Variants in SMOC2 observed in about 807,000 individuals in gnomAD.
The protein encoded by SMOC2 is SPARC-related modular calcium-binding protein 2.
A neutral mutation model predicts 61.4 loss-of-function variants in SMOC2; 39 were observed. The observed-to-expected ratio is 0.64, with a 90% CI of 0.49 to 0.83. The LOEUF (loss-of-function observed/expected upper bound fraction) is 0.83, where lower values mean the gene tolerates loss of function less well. Ranked by LOEUF, SMOC2 falls within the 40% of genes least tolerant of loss-of-function variation. The probability of loss-of-function intolerance (pLI) is 0.00; values close to 1 mark genes in which losing one functional copy is unlikely to be tolerated. For missense variants in SMOC2, 556 were observed against 592.9 expected (o/e 0.94, Z 0.65); for synonymous variants, 247 against 239.9 (o/e 1.03, Z -0.27).
In SMOC2 at chr6:168,452,794, T is replaced by C. The variant is rs1038751566; in HGVS notation, c.84+11340T>C. ...ATTCCAAACATATCTGTAGGTTGTC[T>C]GGCCAACTTTATTCTAGAAGGCAGC... On this transcript the variant is annotated intron_variant, in intron 1 of 12. Transcript: ENST00000356284. The surrounding 1 kb of genome is among the most constrained non-coding windows in gnomAD (Gnocchi z 5.0). 1.1e-4 allele frequency among the ~76,000 whole-genome samples: 16 copies of C among 152,264 alleles called. No individual in the cohort carries two copies. Among genetic ancestry groups the C allele is most frequent in the African/African-American group, 3.9e-4 (16 of 41,476 alleles).
chr6:168,659,050 C>T (rs1270202815), intron 11 of SMOC2, among the ~76,000 whole-genome samples: 3 of 85,016 alleles, frequency 3.5e-5, no homozygotes, highest in Admixed American at 1.2e-4. Context: ...GTGTGTGTGG[C>T]GTGTGGGGTG....
chr6:168,620,658 C>T (rs775156288), intron 9 of SMOC2, among the ~76,000 whole-genome samples: 5 of 152,106 alleles, frequency 3.3e-5, no homozygotes, highest in African/African-American at 4.8e-5. Flanking sequence ...GTCAGGGAAC[C>T]GCAGACAGCA....
intron 11 of SMOC2, among the ~76,000 whole-genome samples, chr6:168,661,521 G>A (rs1787508574): frequency 6.6e-6 from 1 of 152,250 alleles, no homozygotes; most frequent in Admixed American, 6.5e-5. Context: ...AAAATTGCTT[G>A]AACCAGGGAG....
chr6:168,539,026 C>T (rs943143868), intron 4 of SMOC2, among the ~76,000 whole-genome samples: 6 of 152,048 alleles, frequency 3.9e-5, no homozygotes, highest in Admixed American at 1.3e-4. Context: ...GGGACTGAGT[C>T]GCTTCCTCCC....
intron 4 of SMOC2, among the ~76,000 whole-genome samples, chr6:168,540,608 C>T (rs1783855627): frequency 6.7e-6 from 1 of 149,648 alleles, no homozygotes; most frequent in Non-Finnish European, 1.5e-5. Flanking sequence ...CTGTCTTCTC[C>T]CTGCAGCGCC....
chr6:168,644,707 T>C lies in SMOC2; in HGVS notation c.908-5974T>C, dbSNP rs1281840428. Among the ~76,000 whole-genome samples, 6 of 143,146 alleles carry C rather than the reference T, an allele frequency of 4.2e-5. No individual in the cohort carries two copies. In the South Asian group the frequency reaches 1.4e-3, roughly 32 times the overall value. The allele number at this position is 143,146 out of a possible 152,430, so 93.9% of individuals were successfully genotyped here. On this transcript the variant is annotated intron_variant, in intron 9 of 12. Coordinates refer to ENST00000356284, the MANE Select transcript of SMOC2 (RefSeq NM_001166412.2). Reference sequence around the variant, plus strand: ...CTCTGTCTCCCAGGCTGGAGTGCAGTGGTACGATCGCAGCTCACTGCAACC... The same window carrying C: ...CTCTGTCTCCCAGGCTGGAGTGCAGCGGTACGATCGCAGCTCACTGCAACC...
At chr6:168,446,766 A>G (rs1490683603) in intron 1 of SMOC2, among the ~76,000 whole-genome samples, 3 of 152,214 alleles carry the variant, frequency 2.0e-5, no homozygotes, top group Admixed American at 6.5e-5. Flanking sequence ...TAAAACAAAT[A>G]AAGAGAACCA....
Position 168,620,928 on chromosome 6 carries a change from G to GACAGAGAAGGATAAATGGACTGCC in SMOC2, c.907+12689_907+12690insACAGAGAAGGATAAATGGACTGCC, listed in dbSNP as rs1786227312. On this transcript the variant is annotated intron_variant, in intron 9 of 12. Transcript: ENST00000356284. The stretch of plus-strand genomic sequence containing the variant: ...CAGACTAAGGCTGCAGTGCCCAGAT[G>GACAGAGAAGGATAAATGGACTGCC]CATCAGCCGCGTGTCAAACTCCTTG... 4.8e-4 allele frequency among the ~76,000 whole-genome samples: 73 copies of GACAGAGAAGGATAAATGGACTGCC among 152,210 alleles called. 1 individual carries two copies. The highest frequency in any genetic ancestry group is 1.7e-3 in the African/African-American group (71 of 41,474).
intron 7 of SMOC2, among the ~76,000 whole-genome samples, chr6:168,554,948 C>T (rs10484535): frequency 0.015 from 2,212 of 152,326 alleles, 51 homozygotes; most frequent in African/African-American, 0.049. Flanking sequence ...GGCACGAGTT[C>T]TCTCTGGCAT....
chr6:168,470,563 G>A (rs1304652037), intron 1 of SMOC2, among the ~76,000 whole-genome samples: 1 of 152,102 alleles, frequency 6.6e-6, no homozygotes, highest in African/African-American at 2.4e-5. Context: ...TGTAGTCCTA[G>A]CAACTTAGGA....
intron 7 of SMOC2, among the ~76,000 whole-genome samples, chr6:168,570,076 C>T (rs1213824061): frequency 6.6e-6 from 1 of 151,470 alleles, no homozygotes; most frequent in African/African-American, 2.4e-5. Context: ...GTGCGGATGT[C>T]CCGTCGTCCT....
At chr6:168,481,215 A>G (rs1462141440) in intron 1 of SMOC2, among the ~76,000 whole-genome samples, 1 of 152,120 alleles carries the variant, frequency 6.6e-6, no homozygotes, top group African/African-American at 2.4e-5. Flanking sequence ...AAAACTCTAC[A>G]TTTTGTTTCC....
intron 4 of SMOC2, among the ~76,000 whole-genome samples, chr6:168,542,040 C>T (rs1228389482): frequency 2.0e-5 from 3 of 152,248 alleles, no homozygotes; most frequent in East Asian, 3.9e-4. Context: ...ATTTTCCTTA[C>T]GATATTAAAA....
rs1241870048 is a variant in SMOC2 at position 168,667,105 on chromosome 6, A to G, written c.*667A>G. 2 of 152,230 alleles carry G rather than the reference A, an allele frequency of 1.3e-5. No individual in the cohort carries two copies. The highest frequency in any genetic ancestry group is 1.3e-4 in the Admixed American group (2 of 15,266). 9.4% of individuals were successfully genotyped at this position (152,230 alleles called of 1,614,324 possible). A position where few individuals can be genotyped will look rare whatever the true frequency, so the allele number is the denominator to read the frequency against. On this transcript the variant is annotated 3_prime_UTR_variant, in exon 13 of 13. Coordinates refer to ENST00000356284, the MANE Select transcript of SMOC2 (RefSeq NM_001166412.2). Reference sequence around the variant, plus strand: ...TTTTCCATTTTAAGCTTCTGTTTTGAGTTTTGCCCTGGGGCTTGAATGAGT... The same window carrying G: ...TTTTCCATTTTAAGCTTCTGTTTTGGGTTTTGCCCTGGGGCTTGAATGAGT...
rs144172521 is a variant in SMOC2 at position 168,529,399 on chromosome 6, G to C, written c.463+1672G>C. ...TTGAGAAGACGGTGCTGTCTGTGAG[G>C]GGGGGCAGTGTTTCCACGTCGGGGC... On this transcript the variant is annotated intron_variant, in intron 4 of 12. Transcript: ENST00000356284. Among the ~76,000 whole-genome samples the C allele has an allele frequency of 1.5e-3, 222 of 152,302 alleles. 2 individuals carry two copies. Among genetic ancestry groups the C allele is most frequent in the Middle Eastern group, 0.01 (3 of 294 alleles).
chr6:168,478,236 G>T (rs917672571), intron 1 of SMOC2, among the ~76,000 whole-genome samples: 8 of 152,174 alleles, frequency 5.3e-5, no homozygotes, highest in African/African-American at 1.9e-4. Context: ...AAAGCATAGA[G>T]ACTTGGGACC....
At chr6:168,512,013 G>T (rs16887050) in intron 2 of SMOC2, among the ~76,000 whole-genome samples, 1 of 152,038 alleles carries the variant, frequency 6.6e-6, no homozygotes, top group Admixed American at 6.6e-5. Flanking sequence ...TTAAAGTCCC[G>T]TTCTGGTTTG....
chr6:168,659,598 G>A (rs1787431627), intron 11 of SMOC2, among the ~76,000 whole-genome samples: 3 of 139,466 alleles, frequency 2.2e-5, no homozygotes, highest in Non-Finnish European at 4.7e-5. Flanking sequence ...TGTAGGTTGG[G>A]TGAGGGTGGA....
intron 7 of SMOC2, among the ~76,000 whole-genome samples, chr6:168,571,702 A>G (rs1186652216): frequency 1.3e-5 from 2 of 152,134 alleles, no homozygotes; most frequent in African/African-American, 4.8e-5. Context: ...TGTGTCCAGG[A>G]TGGATTTCCT....
Sources: allele counts gnomAD v4.1 joint callset (sites outside exome capture counted in the v4.1 genomes callset), GRCh38; gene constraint gnomAD v4.1.1; non-coding constraint Gnocchi (gnomAD v3.1); transcripts MANE v1.5; gene names NCBI Gene and HGNC (gene_info 2026-07-23, HGNC 2026-07-21).